The following NOTCH2 variants were observed in gnomAD, a reference collection of about 807,000 sequenced individuals.
NOTCH2 encodes neurogenic locus notch homolog protein 2.
NOTCH2 carries 29 observed loss-of-function variants against 235.8 expected under a neutral mutation model. The observed-to-expected ratio is 0.12, with a 90% CI of 0.09 to 0.17. NOTCH2 has a LOEUF of 0.17. NOTCH2 is among the 10% of genes least tolerant of loss of function. NOTCH2 has a pLI of 1.00. For synonymous variants in NOTCH2, 1,086 were observed against 1,141.5 expected, an observed-to-expected ratio of 0.95 and a Z score of 0.98; for missense variants, 2,285 against 3,150.2, an observed-to-expected ratio of 0.73 and a Z score of 6.57.
At position 119,929,170 on chromosome 1, in the gene NOTCH2, G is replaced by A. The variant is rs1318131579; in HGVS notation, c.3698C>T (p.Pro1233Leu). ...GCACTGACCACCATTAAGGCAATGG[G>A]GACCCCGGGCACAGTCATCAATGTT... is the stretch of plus-strand genomic sequence containing the variant. ...EENIDDCARG[P>L]HCLNGGQCMD... Residue 1233 changes from proline to leucine, a missense_variant, in exon 23 of 34, where the codon CCC (proline) becomes CTC (leucine). Pro to Leu is a moderately conservative substitution (Grantham distance 98, BLOSUM62 -3). Transcript: ENST00000256646. 1 of 1,614,172 alleles carries A rather than the reference G, an allele frequency of 6.2e-7. No homozygotes were observed. The highest frequency in any genetic ancestry group is 1.3e-5 in the African/African-American group (1 of 75,018).
intron 2 of NOTCH2, among the ~76,000 whole-genome samples, chr1:120,012,015 C>CAAAA: frequency 1.4e-5 from 1 of 71,852 alleles, no homozygotes. Context: ...GACTCCCTCT[C>CAAAA]AAAAAAAAAA....
At chr1:119,929,951 G>T (rs953806488) in intron 22 of NOTCH2, among the ~76,000 whole-genome samples, 10 of 151,996 alleles carry the variant, frequency 6.6e-5, no homozygotes, top group Admixed American at 6.5e-4. Context: ...ATCTTCTACT[G>T]TACCTCTTCT....
At chr1:120,010,129 A>G (rs1354386207) in intron 2 of NOTCH2, among the ~76,000 whole-genome samples, 3 of 151,644 alleles carry the variant, frequency 2.0e-5, no homozygotes, top group Admixed American at 6.6e-5. Flanking sequence ...TAAGTTGTAT[A>G]TAATTTATTA....
rs2101162693 is a variant in NOTCH2 at position 119,925,646 on chromosome 1, G to A, written c.4170C>T (p.His1390=). ...AGTAATAAGGAGGCTGGCGCTGAGG[G>A]TGGCAGCTGCCCCCGTGCTGGCAGG... is the stretch of plus-strand genomic sequence containing the variant. ...SSPCQHGGSC[H]PQRQPPYYSC... is the part of the protein sequence containing the mutation. Residue 1390 remains histidine (H), a synonymous_variant, in exon 25 of 34, where the codon CAC becomes CAT. Transcript: ENST00000256646. 6.2e-7 allele frequency: 1 copy of A among 1,612,928 alleles called. No homozygotes were observed. The highest frequency in any genetic ancestry group is 8.5e-7 in the Non-Finnish European group (1 of 1,179,024).
intron 17 of NOTCH2, among the ~76,000 whole-genome samples, chr1:119,943,206 A>T (rs1553196672): frequency 6.6e-6 from 1 of 152,224 alleles, no homozygotes; most frequent in African/African-American, 2.4e-5. Context: ...TCTATATGAT[A>T]ATCTGAAGTT....
At chr1:119,946,409 A>G (rs909900089) in intron 17 of NOTCH2, among the ~76,000 whole-genome samples, 2 of 152,198 alleles carry the variant, frequency 1.3e-5, no homozygotes, top group East Asian at 3.9e-4. Context: ...CCTTAACAAC[A>G]TTTTGGCAAA....
At chr1:120,035,245 C>T (rs1654263862) in intron 1 of NOTCH2, among the ~76,000 whole-genome samples, 1 of 151,198 alleles carries the variant, frequency 6.6e-6, no homozygotes, top group Admixed American at 6.6e-5. Flanking sequence ...CCTACAAGGG[C>T]TGTCAGTTCT....
Position 119,937,338 on chromosome 1 carries a change from T to C in NOTCH2, c.3466A>G (p.Asn1156Asp), listed in dbSNP as rs1649892979. ...CEEQLDECAS[N>D]PCQHGATCSD... Reference sequence around the variant, plus strand: ...CATGTTGCCCCGTGCTGGCAGGGGTTGGACGCACACTCATCGAGTTGCTCC... The same window carrying C: ...CATGTTGCCCCGTGCTGGCAGGGGTCGGACGCACACTCATCGAGTTGCTCC... The change falls in exon 21 of 34, where the codon AAC (asparagine) becomes GAC (aspartate). Residue 1156 changes from asparagine to aspartate, a missense_variant. Asn to Asp is a conservative substitution (Grantham distance 23). Coordinates refer to ENST00000256646, the MANE Select transcript of NOTCH2 (RefSeq NM_024408.4). 5 of 1,613,992 alleles carry C rather than the reference T, an allele frequency of 3.1e-6. No homozygotes were observed. The Admixed American group carries it at 6.7e-5, about 22-fold the overall frequency.
At chr1:119,971,262 T>G (rs1468653403) in intron 5 of NOTCH2, among the ~76,000 whole-genome samples, 1 of 152,242 alleles carries the variant, frequency 6.6e-6, no homozygotes, top group Non-Finnish European at 1.5e-5. Context: ...GATGGCAGGA[T>G]GGGTATGTGG....
At chr1:119,949,637 C>T (rs782634014) in intron 15 of NOTCH2, among the ~76,000 whole-genome samples, 38 of 152,122 alleles carry the variant, frequency 2.5e-4, no homozygotes, top group Non-Finnish European at 4.4e-4. Flanking sequence ...CCGCCTGCCT[C>T]GGCCTCCCAA....
At chr1:119,981,503 A>G (rs1237000791) in intron 5 of NOTCH2, among the ~76,000 whole-genome samples, 3 of 152,194 alleles carry the variant, frequency 2.0e-5, no homozygotes, top group Non-Finnish European at 4.4e-5. Context: ...CAACCGTTCC[A>G]TGGGGGCTTA....
Position 119,913,441 on chromosome 1 carries a change from G to A in NOTCH2, c.*1865C>T. The stretch of plus-strand genomic sequence containing the variant: ...GAGAACTGTCATTCAAACCAAAAGA[G>A]TCGGGAATTCACCTGTTAATATCTA... On this transcript the variant is annotated 3_prime_UTR_variant, in exon 34 of 34. Transcript: ENST00000256646. 1 of 233,262 alleles carries A rather than the reference G, an allele frequency of 4.3e-6. No individual in the cohort carries two copies. The highest frequency in any genetic ancestry group is 1.8e-4 in the South Asian group (1 of 5,522). 14.4% of individuals were successfully genotyped at this position (233,262 alleles called of 1,614,324 possible).
intron 13 of NOTCH2, among the ~76,000 whole-genome samples, chr1:119,953,898 A>G (rs782259283): frequency 5.3e-5 from 8 of 152,252 alleles, no homozygotes; most frequent in Non-Finnish European, 8.8e-5. Flanking sequence ...TTCCTGGCTC[A>G]CTAAGTTAGT....
At chr1:119,941,816 A>G (rs1650074710) in intron 17 of NOTCH2, 62 bp from the exon 18 acceptor site, 1 of 1,300,578 alleles carries the variant, frequency 7.7e-7, no homozygotes, top group Admixed American at 1.7e-5. Flanking sequence ...TTAGATTCAT[A>G]AAAGTGAATG....
rs4659262 is a variant in NOTCH2, at chr1:120,030,183, G to A, written c.74-196C>T. On this transcript the variant is annotated intron_variant, in intron 1 of 33. Coordinates refer to ENST00000256646, the MANE Select transcript of NOTCH2 (RefSeq NM_024408.4). ...AAAACTATCTTCCAACAATAACCAC[G>A]TTTGTGGTCTTGAATGATGCTCTTA... Among the ~76,000 whole-genome samples, 155 of 151,794 alleles carry A rather than the reference G, an allele frequency of 1.0e-3. 1 individual carries two copies. The highest frequency in any genetic ancestry group is 1.8e-3 in the Admixed American group (27 of 15,220).
chr1:120,024,902 A>G lies in NOTCH2; in HGVS notation c.155+5004T>C, dbSNP rs1420275775. Among the ~76,000 whole-genome samples the G allele has an allele frequency of 2.7e-5, 4 of 150,864 alleles. No homozygotes were observed. In the East Asian group the frequency reaches 5.9e-4, roughly 22 times the overall value. Reference sequence around the variant, plus strand: ...CTAGCCCTCTTGCTCTGGACAAAATATCAAAGGCACTGGAGAATCACTGAA... The same window carrying G: ...CTAGCCCTCTTGCTCTGGACAAAATGTCAAAGGCACTGGAGAATCACTGAA... On this transcript the variant is annotated intron_variant, in intron 2 of 33. Coordinates refer to ENST00000256646, the MANE Select transcript of NOTCH2 (RefSeq NM_024408.4).
intron 5 of NOTCH2, among the ~76,000 whole-genome samples, chr1:119,982,823 A>G (rs1324693097): frequency 6.6e-6 from 1 of 152,218 alleles, no homozygotes; most frequent in Non-Finnish European, 1.5e-5. Context: ...ACAAACAAAC[A>G]CTAATTAGAC....
chr1:119,924,270 G>C (rs1305363695), intron 25 of NOTCH2, among the ~76,000 whole-genome samples: 1 of 152,156 alleles, frequency 6.6e-6, no homozygotes, highest in Non-Finnish European at 1.5e-5. Flanking sequence ...TTCAAACAAA[G>C]CTGCATATCT....
intron 1 of NOTCH2, among the ~76,000 whole-genome samples, chr1:120,055,674 C>A (rs1321406801): frequency 6.7e-6 from 1 of 148,666 alleles, no homozygotes; most frequent in Non-Finnish European, 1.5e-5. Flanking sequence ...CTTACTAAAT[C>A]GGCAAAATAA....
Sources: allele counts gnomAD v4.1 joint callset (sites outside exome capture counted in the v4.1 genomes callset), GRCh38; gene constraint gnomAD v4.1.1; transcripts MANE v1.5; gene names NCBI Gene and HGNC (gene_info 2026-07-23, HGNC 2026-07-21).